Variants in COG2 observed in about 807,000 individuals in gnomAD.
The protein encoded by COG2 is component of oligomeric golgi complex 2.
COG2 carries 52 observed loss-of-function variants against 90.6 expected under a neutral mutation model. The ratio of observed to expected loss-of-function variants is 0.57; its 90% CI spans 0.46 to 0.72. The LOEUF (loss-of-function observed/expected upper bound fraction) is 0.72, where lower values mean the gene tolerates loss of function less well. COG2 is among the 30% of genes least tolerant of loss of function. COG2 has a pLI of 0.00. For missense variants in COG2, 829 were observed against 891.2 expected (o/e 0.93, Z 0.89); for synonymous variants, 337 against 320.4 (o/e 1.05, Z -0.55).
chr1:230,650,201 T>C (rs1661879594), intron 1 of COG2, among the ~76,000 whole-genome samples: 1 of 152,218 alleles, frequency 6.6e-6, no homozygotes, highest in Non-Finnish European at 1.5e-5. Context: ...TCTTTTTTTA[T>C]ATAATGATTT....
intron 9 of COG2, among the ~76,000 whole-genome samples, chr1:230,676,436 C>G (rs12045973): frequency 6.6e-6 from 1 of 152,078 alleles, no homozygotes; most frequent in Non-Finnish European, 1.5e-5. Flanking sequence ...TTTATGTTCT[C>G]GAGCCTTCTC....
intron 4 of COG2, among the ~76,000 whole-genome samples, chr1:230,664,198 G>A (rs762232754): frequency 4.8e-4 from 73 of 151,302 alleles, no homozygotes; most frequent in Middle Eastern, 3.4e-3. Context: ...TAAAAAAGAT[G>A]GGGAAAAGAA....
At chr1:230,660,166 C>A in intron 2 of COG2, among the ~76,000 whole-genome samples, 1 of 152,096 alleles carries the variant, frequency 6.6e-6, no homozygotes, top group East Asian at 1.9e-4. Flanking sequence ...TCATCCTGTT[C>A]CTATTTTATT....
intron 5 of COG2, among the ~76,000 whole-genome samples, chr1:230,666,656 T>G (rs993508616): frequency 2.0e-5 from 3 of 152,230 alleles, no homozygotes; most frequent in African/African-American, 7.2e-5. Flanking sequence ...TGAACATTGC[T>G]GACTTACGCT....
intron 10 of COG2, chr1:230,681,524 G>A (rs1017446405): frequency 3.3e-5 from 5 of 152,026 alleles, no homozygotes; most frequent in Non-Finnish European, 5.9e-5. Context: ...TATTATTATC[G>A]CCATTGTTAT....
intron 7 of COG2, chr1:230,669,853 A>G (rs890838323): frequency 2.2e-5 from 5 of 232,300 alleles, no homozygotes; most frequent in Non-Finnish European, 2.6e-5. Flanking sequence ...TTGTTAAAAG[A>G]ATGTTTTCAA....
intron 1 of COG2, among the ~76,000 whole-genome samples, chr1:230,646,775 AATCC>A (rs1661796974): frequency 6.6e-6 from 1 of 152,112 alleles, no homozygotes; most frequent in East Asian, 1.9e-4. Context: ...GACCTGAGGT[AATCC>A]ATCCATCTGG....
chr1:230,652,212 TC>T (rs1460541040), intron 1 of COG2, among the ~76,000 whole-genome samples: 4 of 145,500 alleles, frequency 2.7e-5, no homozygotes, highest in African/African-American at 1.0e-4. Flanking sequence ...ACCACCACCC[TC>T]CCATCCCTAA....
intron 1 of COG2, chr1:230,642,935 T>C: frequency 2.0e-6 from 1 of 497,112 alleles, no homozygotes; most frequent in South Asian, 2.7e-5. Flanking sequence ...TTGAGCTGCA[T>C]GTCAAAGCCA....
rs775213586 is a variant in COG2 at position 230,688,607 on chromosome 1, T to C, written c.1794+45T>C. 9 of 1,607,236 alleles carry C rather than the reference T, an allele frequency of 5.6e-6. No individual in the cohort carries two copies. The South Asian group carries it at 9.9e-5, about 18-fold the overall frequency. On this transcript the variant is annotated intron_variant, in intron 15 of 17. Transcript: ENST00000366669. Reference sequence around the variant, plus strand: ...GAGAATTTTGAGGTGGGGAAGTGTGTGTTAGGAAAGCCAAAGAGGAAGGAA... The same window carrying C: ...GAGAATTTTGAGGTGGGGAAGTGTGCGTTAGGAAAGCCAAAGAGGAAGGAA...
At chr1:230,671,864 A>G (rs1471959915) in intron 8 of COG2, among the ~76,000 whole-genome samples, 3 of 152,198 alleles carry the variant, frequency 2.0e-5, no homozygotes, top group African/African-American at 7.2e-5. Flanking sequence ...TGAAGACCAC[A>G]TTTCCGAATC....
At chr1:230,654,511 T>C (rs542643530) in intron 1 of COG2, among the ~76,000 whole-genome samples, 32 of 152,364 alleles carry the variant, frequency 2.1e-4, no homozygotes, top group Non-Finnish European at 4.3e-4. Flanking sequence ...TTTTGGTTAC[T>C]GTAGCCTTGT....
rs56223718 is a variant in COG2, at chr1:230,675,138, C to T, written c.1026+14C>T. ...GCATTTCATGAGGTATCTCCCCGCC[C>T]GTCGTCTTGATTCTTGAAGATGTTA... is the stretch of plus-strand genomic sequence containing the variant. On this transcript the variant is annotated intron_variant, in intron 9 of 17. Transcript: ENST00000366669. 93 of 1,602,628 alleles carry T rather than the reference C, an allele frequency of 5.8e-5. No individual in the cohort carries two copies. The African/African-American group carries it at 8.3e-4, about 14-fold the overall frequency.
rs2296797 is a variant in COG2 at position 230,684,859 on chromosome 1, G to T, written c.1229-226G>T. 0.26 allele frequency among the ~76,000 whole-genome samples: 38,948 copies of T among 152,140 alleles called. 5,611 individuals carry two copies. The highest frequency in any genetic ancestry group is 0.58 in the East Asian group (3,014 of 5,156). On this transcript the variant is annotated intron_variant, in intron 11 of 17. Coordinates refer to ENST00000366669, the MANE Select transcript of COG2 (RefSeq NM_007357.3). ...ATTTGATGTTTATCCAAACACCTGG[G>T]AGATAGTGTCATGTAAAATTGTGCG...
At chr1:230,692,589 G>GGGAA (rs532390367) in intron 17 of COG2, among the ~76,000 whole-genome samples, 303 of 152,244 alleles carry the variant, frequency 2.0e-3, no homozygotes, top group African/African-American at 6.7e-3. Context: ...GCAAAAGAAA[G>GGGAA]GGAAGGAAGG....
Position 230,642,537 on chromosome 1 carries a change from C to CCATGTTGGCGGAAGCG in COG2, c.-70_-69insCATGTTGGCGGAAGCG. 1 of 1,498,344 alleles carries CCATGTTGGCGGAAGCG rather than the reference C, an allele frequency of 6.7e-7. No homozygotes were observed. The highest frequency in any genetic ancestry group is 9.1e-7 in the Non-Finnish European group (1 of 1,097,782). The allele number at this position is 1,498,344 out of a possible 1,614,324, so 92.8% of individuals were successfully genotyped here. On this transcript the variant is annotated 5_prime_UTR_variant, in exon 1 of 18. It adds an upstream start codon to the 5' untranslated region. Transcript: ENST00000366669. ...GGAAACTGGCGGTGGCCGCGGCCGC[C>CCATGTTGGCGGAAGCG]GAGTCGGTCTGCGCAGCCTCCTGCG...
intron 1 of COG2, among the ~76,000 whole-genome samples, chr1:230,654,108 G>T (rs535476859): frequency 1.2e-3 from 182 of 152,314 alleles, no homozygotes; most frequent in Non-Finnish European, 1.5e-3. Context: ...CTGTGCAGAA[G>T]CTCTTTAGTT....
chr1:230,646,467 G>A (rs1210433381), intron 1 of COG2, among the ~76,000 whole-genome samples: 4 of 152,092 alleles, frequency 2.6e-5, no homozygotes, highest in Non-Finnish European at 5.9e-5. Context: ...TTAATTGGTG[G>A]GTTATGGACT....
intron 11 of COG2, 53 bp downstream of exon 11, chr1:230,683,688 TTC>T: frequency 8.4e-7 from 1 of 1,195,662 alleles, no homozygotes; most frequent in Non-Finnish European, 1.2e-6. Flanking sequence ...GTTCATTCAG[TTC>T]ACCAAGTCAT....
Sources: allele counts gnomAD v4.1 joint callset (sites outside exome capture counted in the v4.1 genomes callset), GRCh38; gene constraint gnomAD v4.1.1; transcripts MANE v1.5; gene names NCBI Gene and HGNC (gene_info 2026-07-23, HGNC 2026-07-21).